The following SAXO1 variants were observed in gnomAD, a reference collection of about 807,000 sequenced individuals.
The protein encoded by SAXO1 is stabilizer of axonemal microtubules 1.
Under a neutral mutation model 17.5 loss-of-function variants are expected in SAXO1, and 21 were observed. The observed-to-expected ratio is 1.20, with a 90% CI of 0.85 to 1.72. The LOEUF is 1.72. Ranked by LOEUF, SAXO1 falls within the 40% of genes most tolerant of loss-of-function variation. The pLI, the probability that SAXO1 is intolerant of heterozygous loss-of-function variation, is 0.00. For synonymous variants in SAXO1, 274 were observed against 216.5 expected, an observed-to-expected ratio of 1.27 and a Z score of -2.33; for missense variants, 843 against 596.0, an observed-to-expected ratio of 1.41 and a Z score of -4.32.
chr9:19,016,929 C>G (rs545539871), intron 1 of SAXO1, among the ~76,000 whole-genome samples: 19 of 151,896 alleles, frequency 1.3e-4, no homozygotes, highest in African/African-American at 4.6e-4. Flanking sequence ...AGTGAGACGC[C>G]CCTGACAACC....
rs1832612622 is a variant in SAXO1, at chr9:18,964,045, TTGGTTCTGTGTATG to T, written c.39-13122_39-13109del. ...TGAGATAATCATGTGGTTTTTGTCATTGGTTCTGTGTATGTGATGGATTATGTTTATTGATTTGC... is the reference window on the plus strand; with the variant it reads ...TGAGATAATCATGTGGTTTTTGTCATTGATGGATTATGTTTATTGATTTGC... On this transcript the variant is annotated intron_variant, in intron 1 of 3. Transcript: ENST00000380534. Among the ~76,000 whole-genome samples, 7 of 152,304 alleles carry T rather than the reference TTGGTTCTGTGTATG, an allele frequency of 4.6e-5. No individual in the cohort carries two copies. In the Middle Eastern group the frequency reaches 0.02, roughly 444 times the overall value.
chr9:18,995,799 G>C (rs574373945), intron 1 of SAXO1, among the ~76,000 whole-genome samples: 2 of 152,240 alleles, frequency 1.3e-5, no homozygotes, highest in Admixed American at 1.3e-4. Context: ...TATTATATAA[G>C]CTGGGTGTGG....
intron 3 of SAXO1, among the ~76,000 whole-genome samples, chr9:18,932,520 G>C (rs1831099127): frequency 6.6e-6 from 1 of 152,044 alleles, no homozygotes; most frequent in Non-Finnish European, 1.5e-5. Flanking sequence ...TGGTTTATTT[G>C]GATTTCATAT....
chr9:18,945,152 C>T (rs1831733962), intron 2 of SAXO1, among the ~76,000 whole-genome samples: 1 of 152,172 alleles, frequency 6.6e-6, no homozygotes, highest in African/African-American at 2.4e-5. Context: ...CCAGTTTTCC[C>T]TTCTGTCTTC....
rs1833762031 is a variant in SAXO1 at position 18,990,193 on chromosome 9, T to C, written c.39-39256A>G. Among the ~76,000 whole-genome samples, 3 of 150,856 alleles carry C rather than the reference T, an allele frequency of 2.0e-5. No individual in the cohort carries two copies. In the South Asian group the frequency reaches 6.3e-4, roughly 32 times the overall value. On this transcript the variant is annotated intron_variant, in intron 1 of 3. Coordinates refer to ENST00000380534, the MANE Select transcript of SAXO1 (RefSeq NM_153707.4). ...CTTTTTTTTTTTTTTTCCTAACAAC[T>C]ACCAAATAATCCACACCCTACTTCC...
At chr9:19,045,674 A>T (rs10125677) in intron 1 of SAXO1, among the ~76,000 whole-genome samples, 70,825 of 152,034 alleles carry the variant, frequency 0.47, 17,508 homozygotes, top group African/African-American at 0.64. Flanking sequence ...GGTCTAAATG[A>T]GGCAGGCGGC....
intron 2 of SAXO1, among the ~76,000 whole-genome samples, chr9:18,945,336 A>G (rs895374566): frequency 1.3e-5 from 2 of 151,394 alleles, no homozygotes; most frequent in African/African-American, 4.9e-5. Context: ...CTCTCACTCA[A>G]TTTTTCAATA....
At chr9:19,002,724 G>C (rs1047517706) in intron 1 of SAXO1, among the ~76,000 whole-genome samples, 1 of 152,126 alleles carries the variant, frequency 6.6e-6, no homozygotes, top group Non-Finnish European at 1.5e-5. Context: ...CAATAAACTA[G>C]GTACTGATGG....
At chr9:19,019,319 T>C (rs1835126101) in intron 1 of SAXO1, among the ~76,000 whole-genome samples, 1 of 152,196 alleles carries the variant, frequency 6.6e-6, no homozygotes, top group African/African-American at 2.4e-5. Context: ...TTTCCAGAAA[T>C]CTAGGTTTCT....
chr9:19,039,302 G>A (rs1387487155), intron 1 of SAXO1, among the ~76,000 whole-genome samples: 9 of 152,120 alleles, frequency 5.9e-5, no homozygotes, highest in Admixed American at 2.6e-4. Flanking sequence ...TATTTAATGC[G>A]CTGTGGAACA....
intron 1 of SAXO1, among the ~76,000 whole-genome samples, chr9:19,042,691 C>T (rs559554366): frequency 2.0e-5 from 3 of 152,022 alleles, no homozygotes; most frequent in East Asian, 1.9e-4. Flanking sequence ...GGAGAAACCC[C>T]GTCCCTACTA....
At chr9:19,034,042 G>T (rs1001586490), upstream of SAXO1, among the ~76,000 whole-genome samples, 6 of 152,218 alleles carry the variant, frequency 3.9e-5, no homozygotes, top group African/African-American at 1.2e-4. Flanking sequence ...TCAACAAGAA[G>T]CCAGGTGATT....
chr9:18,954,173 C>G (rs1039114602), intron 1 of SAXO1, among the ~76,000 whole-genome samples: 1 of 152,132 alleles, frequency 6.6e-6, no homozygotes, highest in Admixed American at 6.5e-5. Context: ...CCAGAATTCA[C>G]AATTCCCAGG....
At chr9:18,989,909 G>A (rs1345945776) in intron 1 of SAXO1, among the ~76,000 whole-genome samples, 1 of 152,174 alleles carries the variant, frequency 6.6e-6, no homozygotes, top group Non-Finnish European at 1.5e-5. Context: ...AGGACCAAGG[G>A]AGATGAGAGA....
At chr9:19,029,516 G>A (rs1442269993) in intron 1 of SAXO1, among the ~76,000 whole-genome samples, 4 of 152,094 alleles carry the variant, frequency 2.6e-5, no homozygotes, top group Non-Finnish European at 5.9e-5. Flanking sequence ...CCACAGCTTA[G>A]AAAACACCTA....
rs1176720365 is a variant in SAXO1, at chr9:19,032,939, C to T, written c.-31G>A. The T allele has an allele frequency of 3.1e-6, 5 of 1,598,606 alleles. No individual in the cohort carries two copies. Among genetic ancestry groups the T allele is most frequent in the African/African-American group, 1.3e-5 (1 of 74,746 alleles). On this transcript the variant is annotated 5_prime_UTR_variant, in exon 1 of 4. The change abolishes the stop of an existing upstream ORF in the 5' untranslated region. Coordinates refer to ENST00000380534, the MANE Select transcript of SAXO1 (RefSeq NM_153707.4). ...CGATCCTGAGGCCCTGACGTCCCCT[C>T]AGAGCATCGCCAGCTGCAGCCGACT...
At chr9:18,955,507 T>C (rs1370212241) in intron 1 of SAXO1, among the ~76,000 whole-genome samples, 2 of 152,204 alleles carry the variant, frequency 1.3e-5, no homozygotes, top group African/African-American at 4.8e-5. Context: ...ACTTGGGTAC[T>C]GGAAGTTTAC....
intron 1 of SAXO1, among the ~76,000 whole-genome samples, chr9:19,008,917 T>A (rs576047563): frequency 1.6e-4 from 24 of 152,208 alleles, no homozygotes; most frequent in African/African-American, 5.8e-4. Context: ...GGAAAGCTGA[T>A]CACAGCACCG....
chr9:18,978,089 T>TC (rs995765367), intron 1 of SAXO1, among the ~76,000 whole-genome samples: 1 of 150,952 alleles, frequency 6.6e-6, no homozygotes, highest in African/African-American at 2.4e-5. Flanking sequence ...GTGTCACCAT[T>TC]CCCCTCATTG....
Sources: gnomAD v4.1 joint callset for allele counts (sites outside exome capture counted in the v4.1 genomes callset) on GRCh38, gnomAD v4.1.1 for gene constraint, MANE v1.5 for transcripts, NCBI Gene and HGNC (gene_info 2026-07-23, HGNC 2026-07-21) for gene names.